Variants in MKKS observed in about 807,000 individuals in gnomAD.
MKKS encodes molecular chaperone MKKS.
In MKKS, 29 loss-of-function variants were observed where a neutral mutation model predicts 33.2. The observed-to-expected ratio is 0.87, with a 90% confidence interval of 0.65 to 1.19. The LOEUF (loss-of-function observed/expected upper bound fraction) is 1.19. Among genes scored for constraint, MKKS ranks in the 50% most tolerant of loss-of-function variants. The probability of loss-of-function intolerance (pLI) is 0.00; values close to 1 mark genes in which losing one functional copy is unlikely to be tolerated. For missense variants in MKKS, 661 were observed against 662.3 expected, an observed-to-expected ratio of 1.00 and a Z score of 0.02; for synonymous variants, 260 against 244.0, an observed-to-expected ratio of 1.07 and a Z score of -0.61.
chr20:10,407,816 G>A (rs1323133405), intron 4 of MKKS, 90 bp from the exon 5 acceptor site: 1 of 975,864 alleles, frequency 1.0e-6, no homozygotes, highest in Non-Finnish European at 1.6e-6. Flanking sequence ...AGTGAATACA[G>A]AGAGTGTGAT....
In MKKS at chr20:10,431,790, C is replaced by T. The variant is rs927464562; in HGVS notation, c.-649+2318G>A. 4 of 152,288 alleles carry T rather than the reference C, an allele frequency of 2.6e-5. No homozygotes were observed. In the East Asian group the frequency reaches 5.8e-4, roughly 22 times the overall value. The allele number at this position is 152,288 out of a possible 1,614,324, so 9.4% of individuals were successfully genotyped here. On this transcript the variant is annotated intron_variant, in intron 1 of 5. Transcript: ENST00000347364. ...TGTCTTCTCTGCTATATTCCTAGTG[C>T]GTAGCAGAAAAGTAGAGAATCTTGT...
At chr20:10,416,087 A>G (rs527259185) in intron 2 of MKKS, among the ~76,000 whole-genome samples, 1 of 152,192 alleles carries the variant, frequency 6.6e-6, no homozygotes, top group Non-Finnish European at 1.5e-5. Flanking sequence ...GTGCTCCATA[A>G]TTCCAAGAGT....
In MKKS at chr20:10,412,880, G is replaced by C. The variant is rs2064902479; in HGVS notation, c.635C>G (p.Ser212Cys). 6.2e-7 allele frequency: 1 copy of C among 1,613,926 alleles called. No homozygotes were observed. Among genetic ancestry groups the C allele is most frequent in the Non-Finnish European group, 8.5e-7 (1 of 1,180,020 alleles). The change falls in exon 3 of 6, where the codon TCC becomes TGC. Residue 212 changes from serine to cysteine, a missense_variant. By Grantham distance (112) the Ser-to-Cys change is moderately radical. Coordinates refer to ENST00000347364, the MANE Select transcript of MKKS (RefSeq NM_170784.3). ...AATGAGTATCCCAGGTAATACAGTG[G>C]AATCTATAACTCTTTGACCTTTTAA... Reference protein sequence around the residue: ...VPLKGQRVIDSTVLPGILIEM... With the variant: ...VPLKGQRVIDCTVLPGILIEM...
chr20:10,412,402 A>C (rs1341173837), intron 3 of MKKS, 128 bp downstream of exon 3: 1 of 937,430 alleles, frequency 1.1e-6, no homozygotes, highest in Non-Finnish European at 1.7e-6. Context: ...CTTTGCTGCC[A>C]GAAATGATAC....
chr20:10,418,922 T>C (rs748526049), intron 2 of MKKS, among the ~76,000 whole-genome samples: 2 of 152,158 alleles, frequency 1.3e-5, no homozygotes, highest in Non-Finnish European at 2.9e-5. Flanking sequence ...ATACAAATTT[T>C]ATATAGAATG....
chr20:10,429,250 C>T (rs2065037342), intron 1 of MKKS, among the ~76,000 whole-genome samples: 1 of 152,166 alleles, frequency 6.6e-6, no homozygotes, highest in Non-Finnish European at 1.5e-5. Flanking sequence ...TCCCTGTAGC[C>T]TTTTGATGTG....
rs921178425 is a variant in MKKS at position 10,409,245 on chromosome 20, T to C, written c.986-442A>G. On this transcript the variant is annotated intron_variant, in intron 3 of 5. Coordinates refer to ENST00000347364, the MANE Select transcript of MKKS (RefSeq NM_170784.3). ...ATTTTCAATTTAAAATAAATGCTGC[T>C]ATCCAAATAGTTGTGTAGTTGAATT... Among the ~76,000 whole-genome samples, 151 of 152,338 alleles carry C rather than the reference T, an allele frequency of 9.9e-4. 1 individual carries two copies. The highest frequency in any genetic ancestry group is 3.3e-3 in the African/African-American group (139 of 41,574).
At position 10,407,494 on chromosome 20, in the gene MKKS, C is replaced by T. The variant is rs1039231150; in HGVS notation, c.1272+122G>A. On this transcript the variant is annotated intron_variant, in intron 5 of 5. Transcript: ENST00000347364. ...CCTGTATAACAAACCTATACATGCA[C>T]CCCTGAACCTAAAAGTTAAAACTAA... 4.6e-5 allele frequency: 37 copies of T among 808,860 alleles called. 1 individual carries two copies. Among genetic ancestry groups the T allele is most frequent in the Non-Finnish European group, 7.7e-5 (37 of 481,632 alleles). 50.1% of individuals were successfully genotyped at this position (808,860 alleles called of 1,614,324 possible).
chr20:10,411,997 G>C (rs1226308578), intron 3 of MKKS, among the ~76,000 whole-genome samples: 1 of 152,178 alleles, frequency 6.6e-6, no homozygotes, highest in Non-Finnish European at 1.5e-5. Context: ...GGTGCTGAAA[G>C]TAAAAGATGA....
chr20:10,427,929 C>A (rs1457506964), intron 1 of MKKS, among the ~76,000 whole-genome samples: 1 of 152,184 alleles, frequency 6.6e-6, no homozygotes, highest in Admixed American at 6.5e-5. Flanking sequence ...CTGCTAACAG[C>A]GTAACTGAGT....
rs568928104 is a variant in MKKS, at chr20:10,408,503, T to A, written c.1161+125A>T. Reference sequence around the variant, plus strand: ...AAATTAGCTTACTTGTGACTTTGCATCAATCATTTTAATTTTTGCTTTCTA... The same window carrying A: ...AAATTAGCTTACTTGTGACTTTGCAACAATCATTTTAATTTTTGCTTTCTA... On this transcript the variant is annotated intron_variant, in intron 4 of 5. Coordinates refer to ENST00000347364, the MANE Select transcript of MKKS (RefSeq NM_170784.3). 7.6e-6 allele frequency: 7 copies of A among 915,296 alleles called. No homozygotes were observed. The African/African-American group carries it at 1.2e-4, about 15-fold the overall frequency. 56.7% of individuals were successfully genotyped at this position (915,296 alleles called of 1,614,324 possible). A position where few individuals can be genotyped will look rare whatever the true frequency, so the allele number is the denominator to read the frequency against.
At chr20:10,434,034 G>C (rs2122298186) in intron 1 of MKKS, 74 bp downstream of exon 1, 1 of 152,440 alleles carries the variant, frequency 6.6e-6, no homozygotes, top group East Asian at 1.9e-4. Flanking sequence ...AGAGGGAGGC[G>C]CCTACAAGCC....
At chr20:10,428,275 A>G (rs1055769158) in intron 1 of MKKS, among the ~76,000 whole-genome samples, 13 of 152,262 alleles carry the variant, frequency 8.5e-5, no homozygotes, top group South Asian at 6.2e-4. Flanking sequence ...TTGGTGGAGG[A>G]GAGGGGAGTA....
intron 2 of MKKS, among the ~76,000 whole-genome samples, chr20:10,418,432 A>G (rs1026612061): frequency 1.3e-5 from 2 of 152,176 alleles, no homozygotes; most frequent in African/African-American, 4.8e-5. Flanking sequence ...AAGAATAGAA[A>G]ATAAGAGACA....
Position 10,404,937 on chromosome 20 carries a change from T to G in MKKS, c.*310A>C, listed in dbSNP as rs2122218556. 1 of 208,038 alleles carries G rather than the reference T, an allele frequency of 4.8e-6. No homozygotes were observed. The highest frequency in any genetic ancestry group is 1.2e-4 in the East Asian group (1 of 8,222). 12.9% of individuals were successfully genotyped at this position (208,038 alleles called of 1,614,324 possible). On this transcript the variant is annotated 3_prime_UTR_variant, in exon 6 of 6. Coordinates refer to ENST00000347364, the MANE Select transcript of MKKS (RefSeq NM_170784.3). ...AAACTAGAGCATGGATTAGGAGTCT[T>G]TTTTATTTGTTTGCTCTCAAAATGA...
chr20:10,408,623 C>A lies in MKKS; in HGVS notation c.1161+5G>T. On this transcript the variant is annotated splice_donor_5th_base_variant and intron_variant, in intron 4 of 5. Coordinates refer to ENST00000347364, the MANE Select transcript of MKKS (RefSeq NM_170784.3). ...TGCATATGGAATTCAAAGTTCATTA[C>A]CTACCTTCAGCTCATCCCAGGCAGT... 2 of 1,613,784 alleles carry A rather than the reference C, an allele frequency of 1.2e-6. No homozygotes were observed. Among genetic ancestry groups the A allele is most frequent in the Non-Finnish European group, 8.5e-7 (1 of 1,179,796 alleles).
At chr20:10,428,887 G>A (rs1410608274) in intron 1 of MKKS, among the ~76,000 whole-genome samples, 4 of 152,070 alleles carry the variant, frequency 2.6e-5, no homozygotes, top group Non-Finnish European at 4.4e-5. Context: ...GCTGTCAGAA[G>A]AACTGGTATT....
chr20:10,432,789 C>CAA (rs71184200), intron 1 of MKKS, among the ~76,000 whole-genome samples: 1,798 of 74,476 alleles, frequency 0.024, 192 homozygotes, highest in African/African-American at 0.057. Context: ...GACTCTTTGT[C>CAA]AAAAAAAAAA....
At position 10,406,841 on chromosome 20, in the gene MKKS, C is replaced by G. The variant is rs1469635307; in HGVS notation, c.1272+775G>C. Among the ~76,000 whole-genome samples, 3 of 152,272 alleles carry G rather than the reference C, an allele frequency of 2.0e-5. No homozygotes were observed. In the East Asian group the frequency reaches 5.8e-4, roughly 29 times the overall value. On this transcript the variant is annotated intron_variant, in intron 5 of 5. Coordinates refer to ENST00000347364, the MANE Select transcript of MKKS (RefSeq NM_170784.3). ...TTTTCCATAATGTATATTCTGATAA[C>G]TTTTCATGAATGTGCTTTATCTTCA...
Sources: allele counts gnomAD v4.1 joint callset (sites outside exome capture counted in the v4.1 genomes callset), GRCh38; gene constraint gnomAD v4.1.1; transcripts MANE v1.5; gene names NCBI Gene and HGNC (gene_info 2026-07-23, HGNC 2026-07-21).